The following DSG2 variants were observed in gnomAD, a reference collection of about 807,000 sequenced individuals.
DSG2 encodes desmoglein 2.
DSG2 carries 45 observed loss-of-function variants against 75.6 expected under a neutral mutation model. The observed-to-expected ratio is 0.60, with a 90% CI of 0.47 to 0.76. The LOEUF (loss-of-function observed/expected upper bound fraction) is 0.76. Ranked by LOEUF, DSG2 falls within the 30% of genes least tolerant of loss-of-function variation. The pLI, the probability that DSG2 is intolerant of heterozygous loss-of-function variation, is 0.00. For missense variants in DSG2, 1,267 were observed against 1,357.4 expected (o/e 0.93, Z 1.05); for synonymous variants, 429 against 483.9 (o/e 0.89, Z 1.49).
At chr18:31,505,805 G>C (rs547277159) in intron 1 of DSG2, among the ~76,000 whole-genome samples, 3 of 151,886 alleles carry the variant, frequency 2.0e-5, no homozygotes, top group Non-Finnish European at 4.4e-5. Context: ...GGGACTACAG[G>C]TGCACGCCAC....
At chr18:31,511,937 C>T (rs972631940) in intron 1 of DSG2, among the ~76,000 whole-genome samples, 3 of 152,128 alleles carry the variant, frequency 2.0e-5, no homozygotes, top group Non-Finnish European at 4.4e-5. Context: ...GCCTGTGTCA[C>T]GCTGGCTCCC....
intron 8 of DSG2, among the ~76,000 whole-genome samples, chr18:31,529,368 T>C (rs1395925136): frequency 6.6e-6 from 1 of 152,330 alleles, no homozygotes; most frequent in South Asian, 2.1e-4. Flanking sequence ...TGGATACTAA[T>C]GACATCTGGC....
rs551034751 is a variant in DSG2, at chr18:31,536,421, G to A, written c.1643G>A (p.Arg548His). Residue 548 changes from arginine to histidine, a missense_variant, in exon 11 of 15, where the codon CGC becomes CAC. Transcript: ENST00000261590. ...ATGGCAGAAAAATGGAAAATAGCAC[G>A]CCAAGAAAGTAAGCAAAATCACTGG... ...PGMAEKWKIA[R>H]QESTSVLLQQ... 5.6e-5 allele frequency: 90 copies of A among 1,613,214 alleles called. No homozygotes were observed. Among genetic ancestry groups the A allele is most frequent in the East Asian group, 1.8e-4 (8 of 44,874 alleles).
intron 1 of DSG2, among the ~76,000 whole-genome samples, chr18:31,512,051 C>T (rs974589794): frequency 6.6e-6 from 1 of 152,138 alleles, no homozygotes; most frequent in African/African-American, 2.4e-5. Context: ...TTAACTAAAA[C>T]CGACTGATGA....
intron 1 of DSG2, among the ~76,000 whole-genome samples, chr18:31,501,119 A>G (rs2144282626): frequency 6.6e-6 from 1 of 152,340 alleles, no homozygotes; most frequent in South Asian, 2.1e-4. Flanking sequence ...ATACTGCTGC[A>G]TCACAAATTG....
At chr18:31,520,706 A>G (rs2073122411) in intron 3 of DSG2, 97 bp from the exon 4 acceptor site, 1 of 1,302,460 alleles carries the variant, frequency 7.7e-7, no homozygotes, top group African/African-American at 1.5e-5. Flanking sequence ...ATTTACCTGT[A>G]AATTATAGAG....
chr18:31,519,780 T>G lies in DSG2; in HGVS notation c.82-23T>G, dbSNP rs758064022. On this transcript the variant is annotated intron_variant, in intron 2 of 14. Coordinates refer to ENST00000261590, the MANE Select transcript of DSG2 (RefSeq NM_001943.5). Reference sequence around the variant, plus strand: ...CTATATTTATGACACATAATAAATTTTGGCAATATTCTATTGTTATAGGTC... The same window carrying G: ...CTATATTTATGACACATAATAAATTGTGGCAATATTCTATTGTTATAGGTC... 1.9e-6 allele frequency: 3 copies of G among 1,610,072 alleles called. No homozygotes were observed. The African/African-American group carries it at 4.0e-5, about 22-fold the overall frequency.
chr18:31,520,757 A>G, intron 3 of DSG2, 46 bp from the exon 4 acceptor site: 2 of 1,598,388 alleles, frequency 1.3e-6, no homozygotes, highest in Non-Finnish European at 1.7e-6. Context: ...AATCTAGTAA[A>G]TTACAGAGAG....
At chr18:31,499,316 G>A (rs899493045) in intron 1 of DSG2, among the ~76,000 whole-genome samples, 1 of 151,904 alleles carries the variant, frequency 6.6e-6, no homozygotes, top group Non-Finnish European at 1.5e-5. Context: ...CAAAACATGA[G>A]CCCTTCTATC....
In DSG2 at chr18:31,498,427, G is replaced by A; in HGVS notation, c.45+131G>A. 3.8e-6 allele frequency: 4 copies of A among 1,042,822 alleles called. No homozygotes were observed. The South Asian group carries it at 1.4e-4, about 38-fold the overall frequency. The allele number at this position is 1,042,822 out of a possible 1,614,324, so 64.6% of individuals were successfully genotyped here. ...TGCCCGGCGCTCCTTCCTGCTGCCCGAGGGGGGAAAAGGGCCGGGCAGGCT... is the reference window on the plus strand; with the variant it reads ...TGCCCGGCGCTCCTTCCTGCTGCCCAAGGGGGGAAAAGGGCCGGGCAGGCT... On this transcript the variant is annotated intron_variant, in intron 1 of 14. Coordinates refer to ENST00000261590, the MANE Select transcript of DSG2 (RefSeq NM_001943.5).
Position 31,546,440 on chromosome 18 carries a change from AAGAG to A in DSG2, c.3059_3062del (p.Glu1020AlafsTer18), listed in dbSNP as rs397516706. ...ATGTACCTTACGTCATGGTGAGGGA[AAGAG>A]AGAGCTTCCTTGCCCCCAGCTCAGG... is the stretch of plus-strand genomic sequence containing the variant. On this transcript the variant is annotated frameshift_variant, in exon 15 of 15. Transcript: ENST00000261590. LOFTEE classifies it low-confidence loss of function (END_TRUNC). 2.5e-5 allele frequency: 41 copies of A among 1,614,034 alleles called. No homozygotes were observed. The highest frequency in any genetic ancestry group is 2.8e-5 in the Non-Finnish European group (33 of 1,180,006).
chr18:31,515,133 C>A (rs371439130), intron 1 of DSG2, among the ~76,000 whole-genome samples: 1 of 152,074 alleles, frequency 6.6e-6, no homozygotes, highest in African/African-American at 2.4e-5. Flanking sequence ...GACAGAGTCT[C>A]ACTCTGTCGC....
chr18:31,522,441 G>A, intron 6 of DSG2, 192 bp downstream of exon 6: 1 of 567,372 alleles, frequency 1.8e-6, no homozygotes, highest in Admixed American at 3.0e-5. Flanking sequence ...AATGTGACTG[G>A]CCCAAATTGT....
intron 14 of DSG2, among the ~76,000 whole-genome samples, chr18:31,543,729 G>A (rs1187450145): frequency 6.6e-6 from 1 of 152,108 alleles, no homozygotes; most frequent in Non-Finnish European, 1.5e-5. Flanking sequence ...AGCTGGGCAT[G>A]CTGGCACACA....
chr18:31,524,450 A>G lies in DSG2; in HGVS notation c.693A>G (p.Glu231=), dbSNP rs775582591. Residue 231 remains glutamate (E), a splice_region_variant and synonymous_variant, in exon 7 of 15, where the codon GAA becomes GAG. Transcript: ENST00000261590. Reference sequence around the variant, plus strand: ...GGACATTTTTCATTGCTCTGCAGGAACACAGCAGCTACACTTTGACAGTAG... The same window carrying G: ...GGACATTTTTCATTGCTCTGCAGGAGCACAGCAGCTACACTTTGACAGTAG... The part of the protein sequence containing the change: ...YTTSVTLDRE[E]HSSYTLTVEA... 4 of 1,614,074 alleles carry G rather than the reference A, an allele frequency of 2.5e-6. No homozygotes were observed. The highest frequency in any genetic ancestry group is 1.1e-5 in the South Asian group (1 of 91,090).
intron 6 of DSG2, 62 bp from the exon 7 acceptor site, chr18:31,524,386 C>T (rs551742674): frequency 1.7e-5 from 28 of 1,611,690 alleles, no homozygotes; most frequent in Non-Finnish European, 2.4e-5. Flanking sequence ...GGACTAAAAC[C>T]AGAAAGCCAG....
Position 31,524,694 on chromosome 18 carries a change from G to A in DSG2, c.829-9G>A. 6.2e-7 allele frequency: 1 copy of A among 1,614,094 alleles called. No homozygotes were observed. The highest frequency in any genetic ancestry group is 8.5e-7 in the Non-Finnish European group (1 of 1,179,982). On this transcript the variant is annotated splice_polypyrimidine_tract_variant and intron_variant, in intron 7 of 14. Transcript: ENST00000261590. ...ATTGAAATAAAAATCATGTGTTCAT[G>A]TTTTGCAGCTTGAAGGGATGGTTGA... is the stretch of plus-strand genomic sequence containing the variant.
At chr18:31,506,809 A>G (rs1262061363) in intron 1 of DSG2, among the ~76,000 whole-genome samples, 2 of 152,238 alleles carry the variant, frequency 1.3e-5, no homozygotes, top group Admixed American at 1.3e-4. Flanking sequence ...TATTTTTTAC[A>G]TGTCTAGTCA....
At position 31,546,202 on chromosome 18, in the gene DSG2, C is replaced by T; in HGVS notation, c.2816C>T (p.Ser939Phe). The change falls in exon 15 of 15, where the codon TCC becomes TTC. Residue 939 changes from serine to phenylalanine, a missense_variant. Ser to Phe is a radical substitution (Grantham distance 155, BLOSUM62 -2). Coordinates refer to ENST00000261590, the MANE Select transcript of DSG2 (RefSeq NM_001943.5). ...AGAAATGTGATAGCAACAGAAACTT[C>T]CTATGTCACAGGGTCCACTATGCCA... The part of the protein sequence containing the change: ...ASRNVIATET[S>F]YVTGSTMPPT... 6.2e-7 allele frequency: 1 copy of T among 1,613,632 alleles called. No individual in the cohort carries two copies. The highest frequency in any genetic ancestry group is 2.2e-5 in the East Asian group (1 of 44,880).
Sources: allele counts gnomAD v4.1 joint callset (sites outside exome capture counted in the v4.1 genomes callset), GRCh38; gene constraint gnomAD v4.1.1; transcripts MANE v1.5; gene names NCBI Gene and HGNC (gene_info 2026-07-23, HGNC 2026-07-21).